Variants in PER2 observed in about 807,000 individuals in gnomAD.
PER2 encodes the protein period circadian protein homolog 2.
In PER2, 66 loss-of-function variants were observed where a neutral mutation model predicts 121.0. The observed-to-expected ratio is 0.55, with a 90% confidence interval of 0.45 to 0.67. The LOEUF (loss-of-function observed/expected upper bound fraction) is 0.67. Ranked by LOEUF, PER2 falls within the 30% of genes least tolerant of loss-of-function variation. The probability of loss-of-function intolerance (pLI) is 0.00; values close to 1 mark genes in which losing one functional copy is unlikely to be tolerated. For missense variants in PER2, 1,521 were observed against 1,635.0 expected (o/e 0.93, Z 1.20); for synonymous variants, 684 against 659.9 (o/e 1.04, Z -0.56).
intron 17 of PER2, 106 bp downstream of exon 17, chr2:238,256,816 G>T: frequency 8.5e-7 from 1 of 1,171,666 alleles, no homozygotes; most frequent in Non-Finnish European, 1.2e-6. Flanking sequence ...CCCCTATCGG[G>T]CTATGGTGGA....
Position 238,260,827 on chromosome 2 carries a change from C to T in PER2, c.1542+1G>A, listed in dbSNP as rs760254106. On this transcript the variant is annotated splice_donor_variant, in intron 13 of 22. Transcript: ENST00000254657. LOFTEE classifies it high-confidence loss of function. ...CTCAGGGAGAATGGAAGGAGACGTA[C>T]GGCTCTCCTCCGGCGTGAGTCCTCA... is the stretch of plus-strand genomic sequence containing the variant. 4 of 1,614,004 alleles carry T rather than the reference C, an allele frequency of 2.5e-6. No individual in the cohort carries two copies. Among genetic ancestry groups the T allele is most frequent in the Non-Finnish European group, 3.4e-6 (4 of 1,179,920 alleles).
upstream of PER2, among the ~76,000 whole-genome samples, chr2:238,291,998 C>CA (rs906687665): frequency 4.6e-5 from 7 of 152,138 alleles, no homozygotes; most frequent in African/African-American, 1.7e-4. Context: ...ACTGTCTCTA[C>CA]AAAAAACAAG....
At chr2:238,250,798 T>C in intron 20 of PER2, 55 bp from the exon 21 acceptor site, 1 of 1,234,208 alleles carries the variant, frequency 8.1e-7, no homozygotes, top group Non-Finnish European at 1.2e-6. Context: ...AATTAAACCT[T>C]GCATAATGTG....
intron 22 of PER2, among the ~76,000 whole-genome samples, chr2:238,246,728 T>G (rs1388070241): frequency 1.3e-5 from 2 of 152,152 alleles, no homozygotes; most frequent in Non-Finnish European, 2.9e-5. Context: ...TACAAAAAAT[T>G]AGCTGGGCGT....
rs1170320690 is a variant in PER2, at chr2:238,260,698, AG to A, written c.1542+129del. ...AAAAAGTCCCAAGTGGACAAAGTTTAGAAAGGAAGCAGCAACAGCTGCAATC... is the reference window on the plus strand; with the variant it reads ...AAAAAGTCCCAAGTGGACAAAGTTTAAAAGGAAGCAGCAACAGCTGCAATC... On this transcript the variant is annotated intron_variant, in intron 13 of 22. Transcript: ENST00000254657. The A allele has an allele frequency of 2.9e-5, 29 of 1,008,772 alleles. No homozygotes were observed. In the African/African-American group the frequency reaches 4.3e-4, roughly 15 times the overall value. The allele number at this position is 1,008,772 out of a possible 1,614,324, so 62.5% of individuals were successfully genotyped here.
chr2:238,289,235 C>T (rs1365388540), upstream of PER2: 1 of 152,198 alleles, frequency 6.6e-6, no homozygotes, highest in Non-Finnish European at 1.5e-5. Flanking sequence ...CCCCCAGCGG[C>T]CAGGGCCGCG....
At chr2:238,293,187 C>T (rs1233709786), upstream of PER2, among the ~76,000 whole-genome samples, 1 of 152,112 alleles carries the variant, frequency 6.6e-6, no homozygotes, top group East Asian at 1.9e-4. Context: ...AGCTTTGTCT[C>T]TGCTATACAA....
chr2:238,262,650 G>T (rs965470267), intron 10 of PER2, among the ~76,000 whole-genome samples: 1 of 152,152 alleles, frequency 6.6e-6, no homozygotes, highest in Admixed American at 6.5e-5. Flanking sequence ...CCTAGCCACA[G>T]ATGAACTGGT....
chr2:238,275,479 A>C (rs1221787583), intron 4 of PER2, among the ~76,000 whole-genome samples: 2 of 152,220 alleles, frequency 1.3e-5, no homozygotes, highest in Non-Finnish European at 2.9e-5. Flanking sequence ...GCTTGGGTCC[A>C]GGAGTTCGAG....
chr2:238,266,654 T>C (rs1696121990), intron 8 of PER2, among the ~76,000 whole-genome samples: 2 of 152,172 alleles, frequency 1.3e-5, no homozygotes, highest in African/African-American at 2.4e-5. Flanking sequence ...AACCTTACTA[T>C]TTGGAAAAGA....
At chr2:238,251,507 T>C (rs570556988) in intron 20 of PER2, 92 bp downstream of exon 20, 172 of 1,187,322 alleles carry the variant, frequency 1.4e-4, no homozygotes, top group Admixed American at 4.9e-4. Context: ...CGGTGATCCC[T>C]GTTCTGAGCA....
intron 1 of PER2, among the ~76,000 whole-genome samples, chr2:238,284,780 G>C (rs1696734794): frequency 6.6e-6 from 1 of 152,246 alleles, no homozygotes; most frequent in African/African-American, 2.4e-5. Flanking sequence ...AGAGGGTAGA[G>C]TAAGCTTGGC....
chr2:238,260,869 T>C lies in PER2; in HGVS notation c.1501A>G (p.Ser501Gly), dbSNP rs1695904766. ...HEHLMSQTSS[S>G]DSNGHEDSRR... is the part of the protein sequence containing the mutation. ...GAGTCCTCATGGCCGTTGCTGTCGCTGGAGGAGGTCTGGCTCATAAGGTGC... is the reference window on the plus strand; with the variant it reads ...GAGTCCTCATGGCCGTTGCTGTCGCCGGAGGAGGTCTGGCTCATAAGGTGC... The change falls in exon 13 of 23, where the codon AGC (serine) becomes GGC (glycine). Residue 501 changes from serine to glycine, a missense_variant. Coordinates refer to ENST00000254657, the MANE Select transcript of PER2 (RefSeq NM_022817.3). 3.7e-6 allele frequency: 6 copies of C among 1,613,994 alleles called. No homozygotes were observed. The highest frequency in any genetic ancestry group is 5.1e-6 in the Non-Finnish European group (6 of 1,180,008).
chr2:238,285,662 C>T (rs578134609), intron 1 of PER2, among the ~76,000 whole-genome samples: 2 of 141,172 alleles, frequency 1.4e-5, no homozygotes, highest in South Asian at 4.3e-4. Context: ...AAACAACATG[C>T]CATGTCACAT....
intron 22 of PER2, among the ~76,000 whole-genome samples, chr2:238,246,736 C>A (rs999657692): frequency 6.6e-6 from 1 of 152,142 alleles, no homozygotes; most frequent in Non-Finnish European, 1.5e-5. Flanking sequence ...ATTAGCTGGG[C>A]GTGGTGGCAG....
chr2:238,287,278 G>A (rs768276400), intron 1 of PER2, among the ~76,000 whole-genome samples: 21 of 152,210 alleles, frequency 1.4e-4, no homozygotes, highest in African/African-American at 2.2e-4. Context: ...CAAAAAAAAC[G>A]GAGTCCCTTT....
intron 5 of PER2, among the ~76,000 whole-genome samples, chr2:238,272,586 C>T (rs1475440566): frequency 3.3e-5 from 5 of 152,242 alleles, no homozygotes; most frequent in South Asian, 2.1e-4. Flanking sequence ...CTGTTCTCAC[C>T]GGCTGAGAAC....
rs186830699 is a variant in PER2 at position 238,273,198 on chromosome 2, G to A, written c.449-7C>T. 41 of 1,611,548 alleles carry A rather than the reference G, an allele frequency of 2.5e-5. No individual in the cohort carries two copies. The Admixed American group carries it at 5.3e-4, about 21-fold the overall frequency. On this transcript the variant is annotated splice_polypyrimidine_tract_variant and splice_region_variant and intron_variant, in intron 4 of 22. Transcript: ENST00000254657. ...TGGTAATACTCTTCATTGGCTGCAG[G>A]AGAGACAGTGTTCACTCAGTGGGCA...
intron 1 of PER2, among the ~76,000 whole-genome samples, chr2:238,282,724 T>A (rs1696667530): frequency 6.6e-6 from 1 of 151,856 alleles, no homozygotes. Context: ...GCAGACATCT[T>A]TCCTGCCCTC....
Sources: allele counts gnomAD v4.1 joint callset (sites outside exome capture counted in the v4.1 genomes callset), GRCh38; gene constraint gnomAD v4.1.1; transcripts MANE v1.5; gene names NCBI Gene and HGNC (gene_info 2026-07-23, HGNC 2026-07-21).